GABRA6: variants seen among roughly 807,000 people sequenced by gnomAD.
GABRA6 encodes gamma-aminobutyric acid type A receptor subunit alpha6.
Under a neutral mutation model 47.3 loss-of-function variants are expected in GABRA6, and 45 were observed. That is an observed-to-expected ratio of 0.95 (90% CI 0.75 to 1.22). The LOEUF is 1.22. Ranked by LOEUF, GABRA6 falls within the 50% of genes most tolerant of loss-of-function variation. The pLI is 0.00. For missense variants in GABRA6, 583 were observed against 549.3 expected (o/e 1.06, Z -0.61); for synonymous variants, 219 against 194.7 (o/e 1.12, Z -1.04).
At chr5:161,690,966 A>AT (rs1240721725) in intron 7 of GABRA6, among the ~76,000 whole-genome samples, 6 of 152,080 alleles carry the variant, frequency 3.9e-5, no homozygotes, top group African/African-American at 2.4e-5. Flanking sequence ...ATAAATCTTG[A>AT]TTTTTTAAAT....
Position 161,701,670 on chromosome 5 carries a change from A to G in GABRA6, c.1259A>G (p.Tyr420Cys). The G allele has an allele frequency of 1.2e-6, 2 of 1,614,166 alleles. No individual in the cohort carries two copies. Among genetic ancestry groups the G allele is most frequent in the Non-Finnish European group, 8.5e-7 (1 of 1,180,028 alleles). The change falls in exon 9 of 9, where the codon TAT (tyrosine) becomes TGT (cysteine). Residue 420 changes from tyrosine to cysteine, a missense_variant. Coordinates refer to ENST00000274545, the MANE Select transcript of GABRA6 (RefSeq NM_000811.3). ...AFGGTSKIDQ[Y>C]SRILFPVAFA... The stretch of plus-strand genomic sequence containing the variant: ...GGAGGCACCAGTAAAATAGACCAGT[A>G]TTCTCGAATTCTCTTCCCAGTTGCA...
chr5:161,685,770 A>G lies in GABRA6; in HGVS notation c.-220A>G. 2 of 611,408 alleles carry G rather than the reference A, an allele frequency of 3.3e-6. No homozygotes were observed. The highest frequency in any genetic ancestry group is 5.8e-6 in the Non-Finnish European group (2 of 343,322). The allele number at this position is 611,408 out of a possible 1,614,324, so 37.9% of individuals were successfully genotyped here. A position where few individuals can be genotyped will look rare whatever the true frequency, so the allele number is the denominator to read the frequency against. On this transcript the variant is annotated 5_prime_UTR_variant, in exon 1 of 9. Coordinates refer to ENST00000274545, the MANE Select transcript of GABRA6 (RefSeq NM_000811.3). ...AGGACATAATCTAAGACCACAAACC[A>G]CCTTGTTCCACGTGAGAAGGAAACA...
chr5:161,695,172 A>T (rs1303741802), intron 8 of GABRA6, among the ~76,000 whole-genome samples: 1 of 152,262 alleles, frequency 6.6e-6, no homozygotes, highest in Non-Finnish European at 1.5e-5. Flanking sequence ...CTTACAGTGA[A>T]TGTGGGTAAA....
intron 4 of GABRA6, 30 bp downstream of exon 4, chr5:161,689,199 C>A (rs748517513): frequency 2.5e-6 from 4 of 1,610,578 alleles, no homozygotes; most frequent in Admixed American, 1.7e-5. Context: ...ATTTCCCCTG[C>A]CTAAATGATA....
In GABRA6 at chr5:161,701,168, G is replaced by A. The variant is rs576223557; in HGVS notation, c.1087-330G>A. ...GCCCTACAGACTAATGCACAACCAGGAGTGGCTAGGCCTCTGCAACCTGGC... is the reference window on the plus strand; with the variant it reads ...GCCCTACAGACTAATGCACAACCAGAAGTGGCTAGGCCTCTGCAACCTGGC... On this transcript the variant is annotated intron_variant, in intron 8 of 8. Transcript: ENST00000274545. 4.7e-4 allele frequency among the ~76,000 whole-genome samples: 71 copies of A among 152,206 alleles called. 1 individual carries two copies. Among genetic ancestry groups the A allele is most frequent in the African/African-American group, 1.7e-3 (71 of 41,524 alleles).
intron 8 of GABRA6, among the ~76,000 whole-genome samples, chr5:161,697,568 T>TC (rs1328612166): frequency 6.6e-6 from 1 of 152,088 alleles, no homozygotes; most frequent in East Asian, 1.9e-4. Context: ...GGGAGCTATT[T>TC]CCCCCAAGAG....
intron 8 of GABRA6, among the ~76,000 whole-genome samples, chr5:161,700,161 A>G (rs764373653): frequency 1.3e-5 from 2 of 152,222 alleles, no homozygotes; most frequent in Non-Finnish European, 2.9e-5. Context: ...ATGTCACCAC[A>G]TCGGCAGGTC....
At position 161,689,026 on chromosome 5, in the gene GABRA6, G is replaced by C. The variant is rs140226613; in HGVS notation, c.303G>C (p.Leu101=). Residue 101 remains leucine (L), a synonymous_variant, in exon 4 of 9, where the codon CTG becomes CTC. Transcript: ENST00000274545. ...AGTTTGGGGGGCCAACTGAGATTCT[G>C]AGTCTGAATAATTTGATGGTCAGTA... The part of the protein sequence containing the change: ...RLKFGGPTEI[L]SLNNLMVSKI... The C allele has an allele frequency of 1.1e-5, 18 of 1,614,012 alleles. No individual in the cohort carries two copies. The African/African-American group carries it at 2.3e-4, about 20-fold the overall frequency.
intron 3 of GABRA6, 66 bp downstream of exon 3, chr5:161,687,069 T>C: frequency 7.8e-7 from 1 of 1,283,426 alleles, no homozygotes; most frequent in Non-Finnish European, 1.1e-6. Flanking sequence ...CCAAAACTAA[T>C]GATAATGGGC....
At chr5:161,696,938 G>A (rs546672027) in intron 8 of GABRA6, among the ~76,000 whole-genome samples, 10 of 152,212 alleles carry the variant, frequency 6.6e-5, no homozygotes, top group African/African-American at 1.4e-4. Context: ...TTAGAATATC[G>A]TTTTAAATGG....
chr5:161,686,405 C>G (rs1251479771), intron 2 of GABRA6, 57 bp downstream of exon 2: 5 of 1,334,894 alleles, frequency 3.7e-6, no homozygotes, highest in African/African-American at 2.9e-5. Flanking sequence ...TCCGTTTCTG[C>G]CCTTTGAAGA....
At chr5:161,688,876 G>A in intron 3 of GABRA6, 73 bp from the exon 4 acceptor site, 2 of 1,272,168 alleles carry the variant, frequency 1.6e-6, no homozygotes, top group African/African-American at 1.5e-5. Context: ...GAGATTGGGT[G>A]TATAGGCTAG....
Position 161,689,820 on chromosome 5 carries a change from G to A in GABRA6, c.673+41G>A, listed in dbSNP as rs1362967930. 1.9e-6 allele frequency: 3 copies of A among 1,562,118 alleles called. No homozygotes were observed. In the African/African-American group the frequency reaches 4.1e-5, roughly 21 times the overall value. ...AAGGATGGAAATAATCCCTCAGGAT[G>A]ACTCCAGTGCACATTTTCAAAATAT... On this transcript the variant is annotated intron_variant, in intron 6 of 8. Coordinates refer to ENST00000274545, the MANE Select transcript of GABRA6 (RefSeq NM_000811.3).
chr5:161,702,104 G>A lies in GABRA6; in HGVS notation c.*331G>A. 1 of 285,738 alleles carries A rather than the reference G, an allele frequency of 3.5e-6. No homozygotes were observed. The highest frequency in any genetic ancestry group is 6.7e-6 in the Non-Finnish European group (1 of 149,118). 17.7% of individuals were successfully genotyped at this position (285,738 alleles called of 1,614,324 possible). A position where few individuals can be genotyped will look rare whatever the true frequency, so the allele number is the denominator to read the frequency against. ...CACTGTAAATAACATTTACCACAAG[G>A]CAGATAAAATAAGAAATGCTGACAC... is the stretch of plus-strand genomic sequence containing the variant. On this transcript the variant is annotated 3_prime_UTR_variant, in exon 9 of 9. Coordinates refer to ENST00000274545, the MANE Select transcript of GABRA6 (RefSeq NM_000811.3).
intron 7 of GABRA6, among the ~76,000 whole-genome samples, chr5:161,691,294 T>TC (rs1754786217): frequency 2.2e-5 from 2 of 90,010 alleles, no homozygotes; most frequent in Non-Finnish European, 4.7e-5. Context: ...TTTCCTTTTT[T>TC]TTTTTTTTTT....
chr5:161,692,238 A>G lies in GABRA6; in HGVS notation c.1086+38A>G, dbSNP rs149661341. ...TTTTTCTATCATTACCTACCGTAGGAAAAAGCAGCCTAAATAGTGATCAGA... is the reference window on the plus strand; with the variant it reads ...TTTTTCTATCATTACCTACCGTAGGGAAAAGCAGCCTAAATAGTGATCAGA... On this transcript the variant is annotated intron_variant, in intron 8 of 8. Transcript: ENST00000274545. The G allele has an allele frequency of 1.8e-4, 283 of 1,613,452 alleles. No homozygotes were observed. The African/African-American group carries it at 3.2e-3, about 18-fold the overall frequency.
intron 8 of GABRA6, among the ~76,000 whole-genome samples, chr5:161,696,351 A>ATT (rs5872722): frequency 7.1e-6 from 1 of 140,340 alleles, no homozygotes. Context: ...TATTGCACAG[A>ATT]TTTTTTTTTT....
intron 7 of GABRA6, 23 bp from the exon 8 acceptor site, chr5:161,691,918 A>G (rs373421396): frequency 1.7e-5 from 27 of 1,608,222 alleles, no homozygotes; most frequent in East Asian, 2.2e-5. Context: ...TAATATTACA[A>G]TTCCTATTCT....
chr5:161,687,116 T>C, intron 3 of GABRA6, 113 bp downstream of exon 3: 1 of 847,008 alleles, frequency 1.2e-6, no homozygotes, highest in Non-Finnish European at 2.0e-6. Flanking sequence ...CATGACACAA[T>C]ATTTGTATTC....
Sources: allele counts gnomAD v4.1 joint callset (sites outside exome capture counted in the v4.1 genomes callset), GRCh38; gene constraint gnomAD v4.1.1; transcripts MANE v1.5; gene names NCBI Gene and HGNC (gene_info 2026-07-23, HGNC 2026-07-21).